Variants in TGFBR2 observed in about 807,000 individuals in gnomAD.
The protein encoded by TGFBR2 is TGF-beta receptor type-2.
In TGFBR2, 18 loss-of-function variants were observed where a neutral mutation model predicts 49.0. The ratio of observed to expected loss-of-function variants is 0.37; its 90% CI spans 0.25 to 0.54. The LOEUF (loss-of-function observed/expected upper bound fraction) is 0.54. Ranked by LOEUF, TGFBR2 falls within the 20% of genes least tolerant of loss-of-function variation. The pLI is 0.85. For synonymous variants in TGFBR2, 282 were observed against 275.9 expected, an observed-to-expected ratio of 1.02 and a Z score of -0.22; for missense variants, 525 against 722.6, an observed-to-expected ratio of 0.73 and a Z score of 3.13.
intron 1 of TGFBR2, among the ~76,000 whole-genome samples, chr3:30,636,860 C>T (rs144054585): frequency 3.6e-4 from 54 of 151,768 alleles, no homozygotes; most frequent in African/African-American, 1.0e-3. Context: ...GTCAGGAGAT[C>T]GAGACCATCC....
intron 2 of TGFBR2, among the ~76,000 whole-genome samples, chr3:30,648,455 CA>C (rs1559458176): frequency 1.9e-4 from 27 of 140,600 alleles, no homozygotes; most frequent in African/African-American, 4.3e-4. Flanking sequence ...CACACACACA[CA>C]CACACAAAAC....
At chr3:30,627,143 A>G (rs1388965938) in intron 1 of TGFBR2, among the ~76,000 whole-genome samples, 10 of 152,146 alleles carry the variant, frequency 6.6e-5, no homozygotes, top group Admixed American at 3.9e-4. Context: ...GTATCCCCCA[A>G]TTTATCATTA....
chr3:30,690,065 C>T (rs1057318601), intron 6 of TGFBR2, among the ~76,000 whole-genome samples: 2 of 152,046 alleles, frequency 1.3e-5, no homozygotes, highest in Non-Finnish European at 1.5e-5. Context: ...GAGATAGGCT[C>T]CTAGGTGTGT....
chr3:30,674,014 G>GC (rs1405906539), intron 4 of TGFBR2, 91 bp from the exon 5 acceptor site: 16 of 1,504,108 alleles, frequency 1.1e-5, no homozygotes, highest in Middle Eastern at 1.7e-4. Context: ...AAAATCCTCT[G>GC]CACGTGTCAG....
chr3:30,686,269 T>C (rs911185344), intron 5 of TGFBR2, among the ~76,000 whole-genome samples: 2 of 152,158 alleles, frequency 1.3e-5, no homozygotes, highest in Non-Finnish European at 2.9e-5. Context: ...GCATTTACAG[T>C]CTGGTTGAAG....
intron 3 of TGFBR2, among the ~76,000 whole-genome samples, chr3:30,667,939 A>G (rs941939449): frequency 8.5e-5 from 13 of 152,192 alleles, no homozygotes; most frequent in Non-Finnish European, 1.8e-4. Flanking sequence ...AGGGGTCAGC[A>G]AAGTTTTTCT....
intron 2 of TGFBR2, among the ~76,000 whole-genome samples, chr3:30,646,316 C>T (rs1698740360): frequency 6.6e-6 from 1 of 152,168 alleles, no homozygotes; most frequent in Non-Finnish European, 1.5e-5. Flanking sequence ...CTGTCCATGT[C>T]CACTTCTAGG....
Position 30,623,276 on chromosome 3 carries a change from A to C in TGFBR2, c.94+16299A>C, listed in dbSNP as rs184395862. On this transcript the variant is annotated intron_variant, in intron 1 of 6. Coordinates refer to ENST00000295754, the MANE Select transcript of TGFBR2 (RefSeq NM_003242.6). Reference sequence around the variant, plus strand: ...GACTGCCCATCCACTGAGACATAGTAAAGTATCATTAATTAATCTTTTCAT... The same window carrying C: ...GACTGCCCATCCACTGAGACATAGTCAAGTATCATTAATTAATCTTTTCAT... 1.0e-4 allele frequency: 163 copies of C among 1,613,944 alleles called. 2 individuals carry two copies. The South Asian group carries it at 1.7e-3, about 17-fold the overall frequency.
chr3:30,656,481 A>G (rs78648469), intron 3 of TGFBR2, among the ~76,000 whole-genome samples: 1 of 152,236 alleles, frequency 6.6e-6, no homozygotes. Context: ...AACTGGATCA[A>G]TGAAGGAGAT....
chr3:30,661,070 AACTT>A (rs1413962530), intron 3 of TGFBR2, among the ~76,000 whole-genome samples: 2 of 152,196 alleles, frequency 1.3e-5, no homozygotes, highest in African/African-American at 4.8e-5. Context: ...ATCCTGAAAT[AACTT>A]AAGAAATGTA....
intron 1 of TGFBR2, among the ~76,000 whole-genome samples, chr3:30,631,129 C>T (rs1209097487): frequency 6.7e-6 from 1 of 149,672 alleles, no homozygotes; most frequent in Non-Finnish European, 1.5e-5. Flanking sequence ...CAACCTCTGT[C>T]TCCTGGGTTC....
At chr3:30,648,820 G>A (rs1473029964) in intron 2 of TGFBR2, among the ~76,000 whole-genome samples, 1 of 152,078 alleles carries the variant, frequency 6.6e-6, no homozygotes, top group East Asian at 1.9e-4. Context: ...ATTCCTGCCT[G>A]GATTGTCCTA....
intron 3 of TGFBR2, chr3:30,661,480 C>G (rs894135086): frequency 6.8e-6 from 3 of 444,184 alleles, no homozygotes; most frequent in Non-Finnish European, 1.4e-5. Context: ...AGAGCAAAGG[C>G]TGAATCAGGG....
chr3:30,693,172 T>C lies in TGFBR2; in HGVS notation c.*1573T>C, dbSNP rs1345942265. The C allele has an allele frequency of 4.3e-6, 1 of 233,462 alleles. No homozygotes were observed. Among genetic ancestry groups the C allele is most frequent in the East Asian group, 6.0e-5 (1 of 16,694 alleles). 14.5% of individuals were successfully genotyped at this position (233,462 alleles called of 1,614,324 possible). Reference sequence around the variant, plus strand: ...CAAGTTTCTTTTGCTTATATGTTAATAGTTTTACCCTCTGCATTGGAGAGA... The same window carrying C: ...CAAGTTTCTTTTGCTTATATGTTAACAGTTTTACCCTCTGCATTGGAGAGA... On this transcript the variant is annotated 3_prime_UTR_variant, in exon 7 of 7. Transcript: ENST00000295754.
intron 1 of TGFBR2, among the ~76,000 whole-genome samples, chr3:30,613,674 C>T (rs764016191): frequency 6.6e-6 from 1 of 152,168 alleles, no homozygotes; most frequent in African/African-American, 2.4e-5. Context: ...GATGATGTCT[C>T]TCTTTAAACC....
chr3:30,607,089 G>C, intron 1 of TGFBR2, 112 bp downstream of exon 1: 2 of 894,150 alleles, frequency 2.2e-6, no homozygotes, highest in East Asian at 2.9e-5. Flanking sequence ...GGGCGGAAAC[G>C]AGGAAAGTTT....
chr3:30,626,310 T>C (rs1440765214), intron 1 of TGFBR2: 1 of 152,194 alleles, frequency 6.6e-6, no homozygotes, highest in Non-Finnish European at 1.5e-5. Context: ...TGGAAACTCA[T>C]CTGCAGAACA....
chr3:30,645,719 CA>C (rs1698723057), intron 2 of TGFBR2, among the ~76,000 whole-genome samples: 1 of 152,070 alleles, frequency 6.6e-6, no homozygotes, highest in Non-Finnish European at 1.5e-5. Context: ...CTCCCGACCT[CA>C]GGTGATCCAC....
At chr3:30,669,121 C>CAAAAAAAAAAAAAAAAA (rs56069409) in intron 3 of TGFBR2, among the ~76,000 whole-genome samples, 5 of 83,464 alleles carry the variant, frequency 6.0e-5, no homozygotes, top group African/African-American at 2.2e-4. Flanking sequence ...ACTAAAAATA[C>CAAAAAAAAAAAAAAAAA]AAAAAAAAAA....
Sources: gnomAD v4.1 joint callset for allele counts (sites outside exome capture counted in the v4.1 genomes callset) on GRCh38, gnomAD v4.1.1 for gene constraint, MANE v1.5 for transcripts, NCBI Gene and HGNC (gene_info 2026-07-23, HGNC 2026-07-21) for gene names.